PKHD1: variants seen among roughly 807,000 people sequenced by gnomAD.
PKHD1 encodes the protein PKHD1 ciliary IPT domain containing fibrocystin/polyductin, also known as fibrocystin.
Under a neutral mutation model 412.0 loss-of-function variants are expected in PKHD1, and 291 were observed. The observed-to-expected ratio is 0.71, with a 90% CI of 0.64 to 0.78. PKHD1 has a LOEUF of 0.78. Ranked by LOEUF, PKHD1 falls within the 30% of genes least tolerant of loss-of-function variation. The pLI, the probability that PKHD1 is intolerant of heterozygous loss-of-function variation, is 0.00. For synonymous variants in PKHD1, 1,777 were observed against 1,821.5 expected (o/e 0.98, Z 0.62); for missense variants, 4,825 against 4,950.7 (o/e 0.97, Z 0.76).
chr6:51,911,900 G>A lies in PKHD1; in HGVS notation c.6389C>T (p.Ala2130Val), dbSNP rs1465403647. ...WVAGEHHILK[A>V]TVALLSRSIT... is the part of the protein sequence containing the mutation. ...ACTCCTGCTGAGCAGAGCCACAGTG[G>A]CCTTTAAAATATGGTGCTCTCCAGC... The change falls in exon 39 of 67, where the codon GCC becomes GTC. Residue 2130 changes from alanine to valine, a missense_variant. Ala to Val is a moderately conservative substitution (Grantham distance 64). Transcript: ENST00000371117. 1 of 1,610,916 alleles carries A rather than the reference G, an allele frequency of 6.2e-7. No individual in the cohort carries two copies. The highest frequency in any genetic ancestry group is 8.5e-7 in the Non-Finnish European group (1 of 1,177,618).
intron 60 of PKHD1, chr6:51,721,738 C>T: frequency 1.4e-6 from 2 of 1,385,762 alleles, no homozygotes; most frequent in African/African-American, 1.5e-5. Flanking sequence ...ACCCTCTCCA[C>T]AGTCCCCAAA....
Position 52,025,129 on chromosome 6 carries a change from A to C in PKHD1, c.4681T>G (p.Cys1561Gly). The C allele has an allele frequency of 6.2e-7, 1 of 1,614,192 alleles. No individual in the cohort carries two copies. The highest frequency in any genetic ancestry group is 8.5e-7 in the Non-Finnish European group (1 of 1,180,000). ...AAGTGTCTGGAAACATTACCAGAAC[A>C]AGCATACCCATTTCTTGTATAAAAA... ...SVFYTRNGYA[C>G]SGNVSRHFYI... Residue 1561 changes from cysteine (C) to glycine (G), a missense_variant, in exon 32 of 67, where the codon TGT (cysteine) becomes GGT (glycine). Physicochemically the swap from Cys to Gly is radical, Grantham distance 159. Coordinates refer to ENST00000371117, the MANE Select transcript of PKHD1 (RefSeq NM_138694.4).
intron 50 of PKHD1, among the ~76,000 whole-genome samples, chr6:51,843,242 G>A (rs915772185): frequency 1.5e-4 from 23 of 152,164 alleles, no homozygotes; most frequent in African/African-American, 2.9e-4. Flanking sequence ...AAGGCTGAGC[G>A]TGAAATTCTT....
intron 35 of PKHD1, among the ~76,000 whole-genome samples, chr6:51,990,458 C>T (rs1796923086): frequency 6.6e-6 from 1 of 152,160 alleles, no homozygotes; most frequent in African/African-American, 2.4e-5. Context: ...CATAATAAAT[C>T]AGGGCAAGAA....
In PKHD1 at chr6:51,643,396, A is replaced by T. The variant is rs912418282; in HGVS notation, c.11399-4440T>A. 6.5e-4 allele frequency among the ~76,000 whole-genome samples: 36 copies of T among 55,710 alleles called. No homozygotes were observed. In the East Asian group the frequency reaches 8.2e-3, roughly 13 times the overall value. 36.5% of individuals were successfully genotyped at this position (55,710 alleles called of 152,430 possible). A position where few individuals can be genotyped will look rare whatever the true frequency, so the allele number is the denominator to read the frequency against. ...CTGAACTGCCCACATTAAAAAAATA[A>T]AAAAAAAAATGACCAGGAGCAACAA... On this transcript the variant is annotated intron_variant, in intron 63 of 66. Transcript: ENST00000371117.
chr6:52,085,902 G>A (rs1410626408), intron 1 of PKHD1, among the ~76,000 whole-genome samples: 2 of 151,902 alleles, frequency 1.3e-5, no homozygotes, highest in African/African-American at 4.8e-5. Context: ...TCATGGCAGA[G>A]GGCATCGACA....
chr6:51,647,477 G>A (rs1770254095), intron 63 of PKHD1, among the ~76,000 whole-genome samples: 1 of 152,126 alleles, frequency 6.6e-6, no homozygotes, highest in Non-Finnish European at 1.5e-5. Context: ...CAGTGGTGCT[G>A]GGATAGAACA....
intron 55 of PKHD1, among the ~76,000 whole-genome samples, chr6:51,761,358 A>G (rs1038787449): frequency 2.0e-5 from 3 of 152,110 alleles, no homozygotes; most frequent in African/African-American, 7.2e-5. Flanking sequence ...TCTCACTTGC[A>G]TGCAGAATCA....
chr6:51,917,482 C>G (rs1784008911), intron 37 of PKHD1, among the ~76,000 whole-genome samples: 1 of 152,000 alleles, frequency 6.6e-6, no homozygotes, highest in Admixed American at 6.6e-5. Context: ...AGACAAAAAT[C>G]AGAAGTGCAC....
intron 27 of PKHD1, among the ~76,000 whole-genome samples, chr6:52,040,694 G>C (rs184968232): frequency 6.6e-6 from 1 of 152,054 alleles, no homozygotes; most frequent in Non-Finnish European, 1.5e-5. Context: ...CTTCTGACTT[G>C]AACTGTCTTC....
In PKHD1 at chr6:51,742,127, T is replaced by G. The variant is rs772284490; in HGVS notation, c.10156+2258A>C. Among the ~76,000 whole-genome samples the G allele has an allele frequency of 3.3e-5, 5 of 152,322 alleles. No individual in the cohort carries two copies. In the East Asian group the frequency reaches 9.7e-4, roughly 29 times the overall value. ...CTTATCTTTTCTTCTTTTGCTACTTTCTTTTTAGTGCTACCCACATATTTT... is the reference window on the plus strand; with the variant it reads ...CTTATCTTTTCTTCTTTTGCTACTTGCTTTTTAGTGCTACCCACATATTTT... On this transcript the variant is annotated intron_variant, in intron 60 of 66. Coordinates refer to ENST00000371117, the MANE Select transcript of PKHD1 (RefSeq NM_138694.4).
intron 52 of PKHD1, among the ~76,000 whole-genome samples, chr6:51,815,697 G>GC: frequency 6.6e-6 from 1 of 152,236 alleles, no homozygotes; most frequent in South Asian, 2.1e-4. Flanking sequence ...GCTTCAGGAA[G>GC]CCCCCAAGTA....
At chr6:51,801,166 G>A (rs1291234907) in intron 52 of PKHD1, among the ~76,000 whole-genome samples, 1 of 152,012 alleles carries the variant, frequency 6.6e-6, no homozygotes, top group East Asian at 1.9e-4. Context: ...TTTAACTTTG[G>A]AGGCATCTAA....
intron 40 of PKHD1, among the ~76,000 whole-genome samples, chr6:51,909,031 A>T (rs1257199458): frequency 1.3e-5 from 2 of 152,266 alleles, no homozygotes; most frequent in Non-Finnish European, 2.9e-5. Flanking sequence ...GTTTGTATTT[A>T]AAATACACAT....
rs756222402 is a variant in PKHD1, at chr6:52,071,059, T to A, written c.614A>T (p.Gln205Leu). The A allele has an allele frequency of 6.2e-7, 1 of 1,602,002 alleles. No homozygotes were observed. The highest frequency in any genetic ancestry group is 1.7e-5 in the Admixed American group (1 of 59,966). Reference protein sequence around the residue: ...NRQMGSCYPIQEDHGLGTLQC... With the variant: ...NRQMGSCYPILEDHGLGTLQC... ...CAGAGTCCCAAGACCATGGTCCTCCTGAATAGGATAACTAAGGAAAAGACA... is the reference window on the plus strand; with the variant it reads ...CAGAGTCCCAAGACCATGGTCCTCCAGAATAGGATAACTAAGGAAAAGACA... The change falls in exon 9 of 67, where the codon CAG (glutamine) becomes CTG (leucine). Residue 205 changes from glutamine (Q) to leucine (L), a missense_variant. Coordinates refer to ENST00000371117, the MANE Select transcript of PKHD1 (RefSeq NM_138694.4).
intron 60 of PKHD1, among the ~76,000 whole-genome samples, chr6:51,705,409 G>C (rs2150729593): frequency 6.6e-6 from 1 of 152,240 alleles, no homozygotes; most frequent in Non-Finnish European, 1.5e-5. Context: ...AGGTAAGGAA[G>C]AGTCAATGTG....
At chr6:51,630,598 C>A (rs1364706862) in intron 65 of PKHD1, among the ~76,000 whole-genome samples, 1 of 152,054 alleles carries the variant, frequency 6.6e-6, no homozygotes, top group Admixed American at 6.6e-5. Flanking sequence ...AGATTCTCAA[C>A]AATTATTGAA....
rs962984070 is a variant in PKHD1 at position 51,721,607 on chromosome 6, C to T, written c.10156+22778G>A. The T allele has an allele frequency of 2.8e-6, 3 of 1,068,972 alleles. No homozygotes were observed. The Admixed American group carries it at 1.5e-4, about 52-fold the overall frequency. 66.2% of individuals were successfully genotyped at this position (1,068,972 alleles called of 1,614,324 possible). ...GCTCCTCTCTCATATAGTGGGTACC[C>T]CAAACTCACTAAAGGCAAAGCTTAA... is the stretch of plus-strand genomic sequence containing the variant. On this transcript the variant is annotated intron_variant, in intron 60 of 66. Coordinates refer to ENST00000371117, the MANE Select transcript of PKHD1 (RefSeq NM_138694.4).
chr6:52,030,746 C>T (rs2128158748), intron 29 of PKHD1, among the ~76,000 whole-genome samples: 1 of 152,192 alleles, frequency 6.6e-6, no homozygotes, highest in South Asian at 2.1e-4. Flanking sequence ...TGGTGGGTAG[C>T]CTCTGGGACA....
Sources: allele counts gnomAD v4.1 joint callset (sites outside exome capture counted in the v4.1 genomes callset), GRCh38; gene constraint gnomAD v4.1.1; transcripts MANE v1.5; gene names NCBI Gene and HGNC (gene_info 2026-07-23, HGNC 2026-07-21).